Variants in STARD13 observed in about 807,000 individuals in gnomAD.
STARD13 encodes stAR-related lipid transfer protein 13.
A neutral mutation model predicts 106.4 loss-of-function variants in STARD13; 62 were observed. That is an observed-to-expected ratio of 0.58 (90% CI 0.48 to 0.72). STARD13 has a LOEUF of 0.72. STARD13 is among the 30% of genes least tolerant of loss of function. The probability of loss-of-function intolerance (pLI) is 0.00; values close to 1 mark genes in which losing one functional copy is unlikely to be tolerated. For synonymous variants in STARD13, 565 were observed against 553.0 expected (o/e 1.02, Z -0.31); for missense variants, 1,387 against 1,424.0 (o/e 0.97, Z 0.42).
chr13:33,492,753 G>A, the STARD13 span, among the ~76,000 whole-genome samples: 1 of 152,188 alleles, frequency 6.6e-6, no homozygotes, highest in Non-Finnish European at 1.5e-5. Flanking sequence ...CCTTGGGGCT[G>A]CTCTGTCTAT....
chr13:33,194,711 G>A (rs1435068537), intron 1 of STARD13, among the ~76,000 whole-genome samples: 2 of 152,188 alleles, frequency 1.3e-5, no homozygotes, highest in African/African-American at 4.8e-5. Flanking sequence ...AAAGAAAAAT[G>A]ATTCTCAACC....
At chr13:33,126,801 A>G (rs952359440) in intron 6 of STARD13, among the ~76,000 whole-genome samples, 2 of 152,250 alleles carry the variant, frequency 1.3e-5, no homozygotes, top group African/African-American at 2.4e-5. Flanking sequence ...AATATAAAAC[A>G]TAGAACAATT....
At chr13:33,298,678 C>T (rs1262202350) in intron 1 of STARD13, among the ~76,000 whole-genome samples, 1 of 151,826 alleles carries the variant, frequency 6.6e-6, no homozygotes, top group African/African-American at 2.4e-5. Context: ...ATAAACAGAC[C>T]AAGTCTATAT....
intron 1 of STARD13, among the ~76,000 whole-genome samples, chr13:33,248,830 T>A (rs1594163844): frequency 6.6e-6 from 1 of 152,248 alleles, no homozygotes; most frequent in East Asian, 1.9e-4. Context: ...ATTAGTTGTA[T>A]TTATTGAATG....
intron 3 of STARD13, among the ~76,000 whole-genome samples, chr13:33,156,493 T>A (rs1882004585): frequency 6.6e-6 from 1 of 152,178 alleles, no homozygotes; most frequent in Admixed American, 6.5e-5. Context: ...GAAGATGGCT[T>A]TTCTGCACAT....
the STARD13 span, among the ~76,000 whole-genome samples, chr13:33,613,500 T>C: frequency 1.3e-5 from 2 of 152,010 alleles, no homozygotes; most frequent in African/African-American, 4.8e-5. Flanking sequence ...AGAGAAGAGA[T>C]AGGGTTGCAA....
chr13:33,133,854 A>G (rs1018226015), intron 4 of STARD13, among the ~76,000 whole-genome samples: 6 of 152,156 alleles, frequency 3.9e-5, no homozygotes, highest in African/African-American at 1.4e-4. Flanking sequence ...CGCACTTGGG[A>G]CCCAGCAGAG....
At chr13:33,579,352 A>G in the STARD13 span, among the ~76,000 whole-genome samples, 2 of 152,062 alleles carry the variant, frequency 1.3e-5, no homozygotes, top group African/African-American at 4.8e-5. Context: ...AGCAACTCGG[A>G]TGGAGCTGGA....
chr13:33,292,086 G>T (rs1426151008), intron 1 of STARD13, among the ~76,000 whole-genome samples: 3 of 152,108 alleles, frequency 2.0e-5, no homozygotes, highest in Non-Finnish European at 4.4e-5. Context: ...TTGGGGGAAA[G>T]GTAAAGTAAG....
intron 1 of STARD13, chr13:33,275,614 C>T (rs1245537285): frequency 1.3e-5 from 2 of 152,168 alleles, no homozygotes; most frequent in East Asian, 1.9e-4. Context: ...TGAAAGTGCT[C>T]TAAATTAGAG....
At chr13:33,122,288 TC>T (rs1363231518) in intron 7 of STARD13, among the ~76,000 whole-genome samples, 1 of 152,230 alleles carries the variant, frequency 6.6e-6, no homozygotes, top group Non-Finnish European at 1.5e-5. Context: ...GCCCTGTTGC[TC>T]ATCCTTCTGA....
chr13:33,319,546 A>C (rs1371561024), intron 1 of STARD13, among the ~76,000 whole-genome samples: 1 of 152,210 alleles, frequency 6.6e-6, no homozygotes, highest in African/African-American at 2.4e-5. Flanking sequence ...TTATCTAAAA[A>C]TTTATTTTAA....
chr13:33,343,589 A>AAAAAAAC (rs1555264019), intron 1 of STARD13, among the ~76,000 whole-genome samples: 1 of 91,824 alleles, frequency 1.1e-5, no homozygotes, highest in African/African-American at 5.3e-5. Context: ...AAAAAAAAAA[A>AAAAAAAC]AAAAAAAACA....
intron 1 of STARD13, chr13:33,272,673 G>T (rs536123111): frequency 6.6e-6 from 1 of 152,274 alleles, no homozygotes; most frequent in Admixed American, 6.5e-5. Context: ...AAGGAAAGGT[G>T]ACTGACAGCT....
intron 7 of STARD13, among the ~76,000 whole-genome samples, chr13:33,121,445 G>A (rs1040572108): frequency 1.1e-4 from 17 of 151,788 alleles, no homozygotes; most frequent in African/African-American, 3.9e-4. Context: ...GTGGGTGCCT[G>A]GAATCCCAGC....
At chr13:33,181,845 C>T (rs1267359972) in intron 1 of STARD13, among the ~76,000 whole-genome samples, 1 of 152,136 alleles carries the variant, frequency 6.6e-6, no homozygotes, top group Non-Finnish European at 1.5e-5. Context: ...TGGATGGAAT[C>T]TTTAGGAGTT....
the STARD13 span, among the ~76,000 whole-genome samples, chr13:33,564,223 A>AAAAAG: frequency 2.1e-5 from 3 of 143,444 alleles, 1 homozygote; most frequent in Non-Finnish European, 3.0e-5. Flanking sequence ...AAAAAAAAAA[A>AAAAAG]AAAAGAAAAG....
At chr13:33,493,653 T>C in the STARD13 span, among the ~76,000 whole-genome samples, 1 of 152,334 alleles carries the variant, frequency 6.6e-6, no homozygotes, top group African/African-American at 2.4e-5. Flanking sequence ...TCTGTAAACA[T>C]AAAATTGCTC....
intron 1 of STARD13, among the ~76,000 whole-genome samples, chr13:33,179,139 T>G (rs1884989618): frequency 6.6e-6 from 1 of 152,244 alleles, no homozygotes. Context: ...ATATACTTAG[T>G]TTTACAGATT....
Sources: allele counts gnomAD v4.1 joint callset (sites outside exome capture counted in the v4.1 genomes callset), GRCh38; gene constraint gnomAD v4.1.1; transcripts MANE v1.5; gene names NCBI Gene and HGNC (gene_info 2026-07-23, HGNC 2026-07-21).